Variants in SPRY3 observed in about 807,000 individuals in gnomAD.
SPRY3 encodes the protein sprouty RTK signaling antagonist 3.
A neutral mutation model predicts 20.2 loss-of-function variants in SPRY3; 15 were observed. That is an observed-to-expected ratio of 0.74 (90% CI 0.50 to 1.14). The LOEUF is 1.14. Ranked by LOEUF, SPRY3 falls within the 50% of genes most tolerant of loss-of-function variation. The pLI, the probability that SPRY3 is intolerant of heterozygous loss-of-function variation, is 0.00. For synonymous variants in SPRY3, 143 were observed against 136.5 expected (o/e 1.05, Z -0.33); for missense variants, 364 against 363.9 (o/e 1.00, Z 0.00).
intron 2 of SPRY3, among the ~76,000 whole-genome samples, chrX:155,719,426 G>A (rs2091042115): frequency 1.3e-5 from 2 of 152,050 alleles, no homozygotes; most frequent in Admixed American, 6.5e-5. Flanking sequence ...TCCTAGTGCT[G>A]AACTGGGCCT....
chrX:155,709,184 C>T (rs766662629), intron 2 of SPRY3, among the ~76,000 whole-genome samples: 4 of 151,602 alleles, frequency 2.6e-5, no homozygotes, highest in East Asian at 1.9e-4. Context: ...GGGCATATAC[C>T]CAGCAATGGG....
chrX:155,722,917 T>C (rs1430544285), intron 2 of SPRY3, among the ~76,000 whole-genome samples: 2 of 152,094 alleles, frequency 1.3e-5, no homozygotes, highest in Non-Finnish European at 2.9e-5. Flanking sequence ...TTTCTCCTAA[T>C]GCTATCCTTC....
intron 2 of SPRY3, among the ~76,000 whole-genome samples, chrX:155,709,010 T>C (rs761577920): frequency 1.7e-4 from 26 of 151,760 alleles, no homozygotes; most frequent in Admixed American, 1.4e-3. Flanking sequence ...ATCTCATTAT[T>C]TTTTATGACT....
At chrX:155,647,171 T>C (rs959639421) in intron 1 of SPRY3, among the ~76,000 whole-genome samples, 2 of 111,944 alleles carry the variant, frequency 1.8e-5, no homozygotes, top group Non-Finnish European at 3.8e-5. Flanking sequence ...TCTCCTACTT[T>C]TATTGTATTG....
At chrX:155,765,716 G>C (rs1184885672) in intron 2 of SPRY3, among the ~76,000 whole-genome samples, 3 of 152,154 alleles carry the variant, frequency 2.0e-5, no homozygotes, top group Non-Finnish European at 4.4e-5. Context: ...GAGTAAAGGA[G>C]GGAAAGGAAT....
intron 2 of SPRY3, among the ~76,000 whole-genome samples, chrX:155,735,868 C>T (rs2091165430): frequency 6.6e-6 from 1 of 151,348 alleles, no homozygotes. Context: ...TCTTTTTCCA[C>T]CGGTTCTTTA....
intron 2 of SPRY3, among the ~76,000 whole-genome samples, chrX:155,760,064 T>A (rs1203737426): frequency 6.6e-6 from 1 of 152,178 alleles, no homozygotes; most frequent in Non-Finnish European, 1.5e-5. Flanking sequence ...CTGGTTTTAA[T>A]GTGTTTGACT....
exon 4 of SPRY3, chrX:155,774,927 T>C: frequency 6.0e-6 from 4 of 662,656 alleles, no homozygotes; most frequent in Non-Finnish European, 1.0e-5. Flanking sequence ...TCACAGTATC[T>C]ATCCCACTCC....
At chrX:155,641,002 T>C (rs2067938501) in intron 1 of SPRY3, among the ~76,000 whole-genome samples, 1 of 111,864 alleles carries the variant, frequency 8.9e-6, no homozygotes, top group Admixed American at 9.5e-5. Flanking sequence ...CTTGTGTTCC[T>C]GATTTTAGAG....
intron 2 of SPRY3, among the ~76,000 whole-genome samples, chrX:155,699,976 CT>C (rs35185538): frequency 0.29 from 26,906 of 91,375 alleles, 3,958 homozygotes; most frequent in African/African-American, 0.53. Context: ...CCCTTAATCT[CT>C]TTTTTTTTTT....
chrX:155,616,996 C>G (rs1360175412), intron 1 of SPRY3, among the ~76,000 whole-genome samples: 1 of 108,246 alleles, frequency 9.2e-6, no homozygotes, highest in African/African-American at 3.4e-5. Context: ...TTATAAAGGT[C>G]TCAGAAGAAT....
chrX:155,768,661 T>G (rs1202118304), intron 3 of SPRY3, among the ~76,000 whole-genome samples: 1 of 152,108 alleles, frequency 6.6e-6, no homozygotes, highest in Non-Finnish European at 1.5e-5. Flanking sequence ...AACCCCCCAC[T>G]TACATTGAGT....
At chrX:155,755,783 C>T (rs1177410684) in intron 2 of SPRY3, among the ~76,000 whole-genome samples, 2 of 151,892 alleles carry the variant, frequency 1.3e-5, no homozygotes, top group African/African-American at 4.8e-5. Context: ...GAGAGTGTTC[C>T]TAAGGGATTC....
chrX:155,622,351 T>C (rs1225900650), intron 1 of SPRY3, among the ~76,000 whole-genome samples: 2 of 111,672 alleles, frequency 1.8e-5, no homozygotes, highest in Non-Finnish European at 3.8e-5. Flanking sequence ...GTAAAATCAG[T>C]GTTAACCAGA....
At chrX:155,708,244 T>A (rs1479279564) in intron 2 of SPRY3, among the ~76,000 whole-genome samples, 2 of 151,334 alleles carry the variant, frequency 1.3e-5, no homozygotes, top group Admixed American at 1.3e-4. Context: ...TATGTGACAC[T>A]GTATTTATTT....
At chrX:155,758,204 G>C (rs1487021733) in intron 2 of SPRY3, among the ~76,000 whole-genome samples, 1 of 151,982 alleles carries the variant, frequency 6.6e-6, no homozygotes, top group African/African-American at 2.4e-5. Flanking sequence ...ATTCATTTCC[G>C]TATCTCACAT....
chrX:155,734,759 C>T (rs778029365), intron 2 of SPRY3, among the ~76,000 whole-genome samples: 1 of 151,870 alleles, frequency 6.6e-6, no homozygotes, highest in Admixed American at 6.6e-5. Context: ...TCTTGGTTAG[C>T]CTGGCTAGAG....
At chrX:155,779,614 G>A (rs1355893058), downstream of SPRY3, 1 of 166,950 alleles carries the variant, frequency 6.0e-6, no homozygotes, top group Non-Finnish European at 1.5e-5. Flanking sequence ...GTATGTGAAG[G>A]CACATATGTT....
intron 2 of SPRY3, among the ~76,000 whole-genome samples, chrX:155,760,740 C>T (rs1326949066): frequency 2.6e-5 from 4 of 152,068 alleles, no homozygotes; most frequent in Non-Finnish European, 5.9e-5. Context: ...CAATAGGGTT[C>T]ACGCTCCTAT....
Sources: gnomAD v4.1 joint callset for allele counts (sites outside exome capture counted in the v4.1 genomes callset) on GRCh38, gnomAD v4.1.1 for gene constraint, MANE v1.5 for transcripts, NCBI Gene and HGNC (gene_info 2026-07-23, HGNC 2026-07-21) for gene names.